ANKFY1: variants seen among roughly 807,000 people sequenced by gnomAD.
ANKFY1 encodes ankyrin repeat and FYVE domain-containing protein 1.
A neutral mutation model predicts 128.3 loss-of-function variants in ANKFY1; 47 were observed. That is an observed-to-expected ratio of 0.37 (90% confidence interval 0.29 to 0.47). The LOEUF (loss-of-function observed/expected upper bound fraction) is 0.47, where lower values mean the gene tolerates loss of function less well. ANKFY1 is among the 20% of genes least tolerant of loss of function. ANKFY1 has a pLI of 1.00. For synonymous variants in ANKFY1, 553 were observed against 601.6 expected (o/e 0.92, Z 1.18); for missense variants, 1,222 against 1,510.6 (o/e 0.81, Z 3.17).
chr17:4,193,401 A>G (rs2059752512), intron 10 of ANKFY1, among the ~76,000 whole-genome samples: 1 of 144,308 alleles, frequency 6.9e-6, no homozygotes, highest in Admixed American at 7.1e-5. Context: ...GAGTACAGGC[A>G]TGAGCCACCA....
chr17:4,203,827 C>A (rs201298239), intron 7 of ANKFY1, among the ~76,000 whole-genome samples: 18 of 77,806 alleles, frequency 2.3e-4, no homozygotes, highest in African/African-American at 5.3e-4. Context: ...ACAACAACAA[C>A]AAAAAAAAAA....
chr17:4,183,695 T>C (rs542845485), intron 13 of ANKFY1, 117 bp downstream of exon 13: 1 of 1,415,934 alleles, frequency 7.1e-7, no homozygotes, highest in Non-Finnish European at 9.7e-7. Context: ...GAAATGTTAT[T>C]TTACAACCAA....
intron 4 of ANKFY1, among the ~76,000 whole-genome samples, chr17:4,211,827 G>A (rs904024906): frequency 2.6e-5 from 4 of 151,986 alleles, no homozygotes; most frequent in African/African-American, 7.3e-5. Context: ...TCAAGGCTGC[G>A]GTGAACCGTG....
chr17:4,187,230 C>T (rs765742868), intron 11 of ANKFY1: 7 of 400,774 alleles, frequency 1.7e-5, no homozygotes, highest in Non-Finnish European at 3.1e-5. Flanking sequence ...CTCTTGCCCT[C>T]GCTTCTGGGA....
intron 4 of ANKFY1, among the ~76,000 whole-genome samples, chr17:4,213,350 C>A (rs1277325809): frequency 1.3e-5 from 2 of 151,742 alleles, no homozygotes; most frequent in African/African-American, 4.8e-5. Context: ...CCACCACGAC[C>A]GGCTAATTTT....
chr17:4,242,214 G>A, intron 2 of ANKFY1, 42 bp downstream of exon 2: 2 of 1,455,462 alleles, frequency 1.4e-6, no homozygotes, highest in Non-Finnish European at 9.1e-7. Flanking sequence ...TGTGGCCCAG[G>A]AATAAAGCCA....
In ANKFY1 at chr17:4,263,441, G is replaced by A. The variant is rs563839084; in HGVS notation, c.10+491C>T. Among the ~76,000 whole-genome samples the A allele has an allele frequency of 2.2e-4, 33 of 152,312 alleles. No homozygotes were observed. In the East Asian group the frequency reaches 5.0e-3, roughly 23 times the overall value. Reference sequence around the variant, plus strand: ...CCGCCAGTGCGCCCGCCTGAAGCGTGGGCCAGCTCGCTGCTGCCTCGCCCC... The same window carrying A: ...CCGCCAGTGCGCCCGCCTGAAGCGTAGGCCAGCTCGCTGCTGCCTCGCCCC... On this transcript the variant is annotated intron_variant, in intron 1 of 24. Coordinates refer to ENST00000341657, the MANE Select transcript of ANKFY1 (RefSeq NM_001330063.2).
chr17:4,190,403 T>A (rs1329200387), intron 10 of ANKFY1, among the ~76,000 whole-genome samples: 1 of 151,328 alleles, frequency 6.6e-6, no homozygotes, highest in African/African-American at 2.4e-5. Context: ...ATCGTGCCAC[T>A]GCACTCCAGC....
rs779897564 is a variant in ANKFY1 at position 4,169,280 on chromosome 17, A to G, written c.3295T>C (p.Ser1099Pro). Residue 1099 changes from serine to proline, a missense_variant, in exon 24 of 25, where the codon TCC (serine) becomes CCC (proline). Transcript: ENST00000341657. The surrounding 1 kb of genome is among the most constrained non-coding windows in gnomAD (Gnocchi z 5.0). ...QLLFRLLDML[S>P]KEPPWCDGSY... Reference sequence around the variant, plus strand: ...CCGTCACACCACGGAGGCTCCTTGGACAGCATATCTGCAACACAGGGGGGA... The same window carrying G: ...CCGTCACACCACGGAGGCTCCTTGGGCAGCATATCTGCAACACAGGGGGGA... 1.4e-4 allele frequency: 213 copies of G among 1,549,720 alleles called. No individual in the cohort carries two copies. The highest frequency in any genetic ancestry group is 5.9e-4 in the Middle Eastern group (3 of 5,092).
chr17:4,259,041 C>T (rs559081757), intron 1 of ANKFY1, among the ~76,000 whole-genome samples: 5 of 152,232 alleles, frequency 3.3e-5, no homozygotes, highest in African/African-American at 9.6e-5. Flanking sequence ...AAGCATCAGG[C>T]GCTGTGGGAA....
chr17:4,242,393 C>G lies in ANKFY1; in HGVS notation c.66G>C (p.Lys22Asn), dbSNP rs927504526. Residue 22 changes from lysine (K) to asparagine (N), a missense_variant, in exon 2 of 25, where the codon AAG becomes AAC. Coordinates refer to ENST00000341657, the MANE Select transcript of ANKFY1 (RefSeq NM_001330063.2). ...HLMLLRQEYV[K>N]LQKKLAETEK... ...CTGTCTCCGCCAGCTTCTTCTGCAG[C>G]TTGACATACTCCTGCCGCAGAAGCA... 6.3e-7 allele frequency: 1 copy of G among 1,599,870 alleles called. No individual in the cohort carries two copies. The highest frequency in any genetic ancestry group is 8.5e-7 in the Non-Finnish European group (1 of 1,174,436).
intron 3 of ANKFY1, among the ~76,000 whole-genome samples, chr17:4,226,375 T>A (rs763021876): frequency 1.1e-4 from 17 of 152,116 alleles, no homozygotes; most frequent in Non-Finnish European, 1.9e-4. Flanking sequence ...ACATTTTTTT[T>A]AATTAGTCAA....
At chr17:4,201,913 T>C (rs889590193) in intron 7 of ANKFY1, among the ~76,000 whole-genome samples, 2 of 152,158 alleles carry the variant, frequency 1.3e-5, no homozygotes, top group African/African-American at 2.4e-5. Context: ...GGAAAAAATA[T>C]GTAAAGACAA....
At chr17:4,186,502 CCAA>C (rs1210612211) in intron 11 of ANKFY1, 3 of 152,216 alleles carry the variant, frequency 2.0e-5, no homozygotes, top group African/African-American at 7.2e-5. Context: ...ATATTTCTAA[CCAA>C]CATGTTTTTA....
rs2059197368 is a variant in ANKFY1 at position 4,165,555 on chromosome 17, G to T, written c.*2224C>A. ...CCAGCGAGCGTCCGCGTGGTCGGGG[G>T]GCTTCCTAAGTCTGTGGAAAGAGGC... On this transcript the variant is annotated 3_prime_UTR_variant, in exon 25 of 25. Transcript: ENST00000341657. 1.3e-5 allele frequency: 2 copies of T among 152,160 alleles called. No individual in the cohort carries two copies. Among genetic ancestry groups the T allele is most frequent in the African/African-American group, 4.8e-5 (2 of 41,438 alleles). 9.4% of individuals were successfully genotyped at this position (152,160 alleles called of 1,614,324 possible).
At chr17:4,246,483 T>C (rs558492398) in intron 1 of ANKFY1, among the ~76,000 whole-genome samples, 20 of 152,204 alleles carry the variant, frequency 1.3e-4, no homozygotes, top group Non-Finnish European at 2.1e-4. Flanking sequence ...CACCAGATGC[T>C]ATGCAAGTCA....
In ANKFY1 at chr17:4,173,931, G is replaced by A. The variant is rs778715046; in HGVS notation, c.2901C>T (p.Ala967=). ...VLLENGVDFA[A]VDENGNNALH... ...TACCATTGTTTCCATTCTCATCCAC[G>A]GCAGCAAAGTCCACGCCATTCTCTA... The change falls in exon 20 of 25, where the codon GCC becomes GCT. Residue 967 remains alanine (A), a synonymous_variant. Coordinates refer to ENST00000341657, the MANE Select transcript of ANKFY1 (RefSeq NM_001330063.2). 10 of 1,613,534 alleles carry A rather than the reference G, an allele frequency of 6.2e-6. No individual in the cohort carries two copies. The highest frequency in any genetic ancestry group is 7.6e-6 in the Non-Finnish European group (9 of 1,179,662).
intron 2 of ANKFY1, among the ~76,000 whole-genome samples, chr17:4,239,731 G>T (rs1052407848): frequency 1.3e-5 from 2 of 152,010 alleles, no homozygotes; most frequent in Non-Finnish European, 2.9e-5. Context: ...TACAGACGGG[G>T]TTTCCTCATG....
chr17:4,247,974 T>C (rs1350664221), intron 1 of ANKFY1, among the ~76,000 whole-genome samples: 1 of 152,222 alleles, frequency 6.6e-6, no homozygotes, highest in Non-Finnish European at 1.5e-5. Flanking sequence ...AGTCCTGTGT[T>C]GCAAGATTCT....
Sources: allele counts gnomAD v4.1 joint callset (sites outside exome capture counted in the v4.1 genomes callset), GRCh38; gene constraint gnomAD v4.1.1; non-coding constraint Gnocchi (gnomAD v3.1); transcripts MANE v1.5; gene names NCBI Gene and HGNC (gene_info 2026-07-23, HGNC 2026-07-21).